The following AKR7A2 variants were observed in gnomAD, a reference collection of about 807,000 sequenced individuals.
The protein encoded by AKR7A2 is aflatoxin B1 aldehyde reductase member 2.
A neutral mutation model predicts 37.3 loss-of-function variants in AKR7A2; 29 were observed. The ratio of observed to expected loss-of-function variants is 0.78; its 90% CI spans 0.58 to 1.06. AKR7A2 has a LOEUF of 1.06. Among genes scored for constraint, AKR7A2 ranks in the 50% least tolerant of loss-of-function variants. AKR7A2 has a pLI of 0.00. For synonymous variants in AKR7A2, 228 were observed against 217.8 expected, an observed-to-expected ratio of 1.05 and a Z score of -0.41; for missense variants, 529 against 497.9, an observed-to-expected ratio of 1.06 and a Z score of -0.59.
chr1:19,306,840 A>G (rs1240099079), intron 5 of AKR7A2, among the ~76,000 whole-genome samples, 162 bp downstream of exon 5: 1 of 152,138 alleles, frequency 6.6e-6, no homozygotes, highest in African/African-American at 2.4e-5. Flanking sequence ...AGGTCTCAAG[A>G]CAACAAGAAA....
chr1:19,310,084 AAAAAC>A (rs925640320), intron 1 of AKR7A2, among the ~76,000 whole-genome samples: 3 of 149,994 alleles, frequency 2.0e-5, no homozygotes, highest in African/African-American at 7.5e-5. Flanking sequence ...TCAAAAAACA[AAAAAC>A]AAAACAAAAA....
In AKR7A2 at chr1:19,304,544, A is replaced by G. The variant is rs117701059; in HGVS notation, c.919-158T>C. 1.4e-4 allele frequency among the ~76,000 whole-genome samples: 22 copies of G among 151,912 alleles called. No individual in the cohort carries two copies. The East Asian group carries it at 3.3e-3, about 23-fold the overall frequency. ...TAAGGTGCCTTGGATAGCTGTACCC[A>G]CGTGACTTGAAACCCGCATCCTTTC... On this transcript the variant is annotated intron_variant, in intron 6 of 6. Coordinates refer to ENST00000235835, the MANE Select transcript of AKR7A2 (RefSeq NM_003689.4).
chr1:19,306,880 C>G (rs1558138442), intron 5 of AKR7A2, 122 bp downstream of exon 5: 1 of 865,182 alleles, frequency 1.2e-6, no homozygotes, highest in Non-Finnish European at 1.9e-6. Flanking sequence ...ATTCCTGAAG[C>G]AATGCAGGGG....
At chr1:19,305,321 T>G (rs1264603389) in intron 6 of AKR7A2, 1 of 154,212 alleles carries the variant, frequency 6.5e-6, no homozygotes, top group African/African-American at 2.4e-5. Context: ...ATAAGTTTGT[T>G]GCTGTTATTT....
chr1:19,305,239 A>C (rs1216995098), intron 6 of AKR7A2: 2 of 153,522 alleles, frequency 1.3e-5, no homozygotes, highest in African/African-American at 4.8e-5. Context: ...TATGTAAAAC[A>C]CAGCTCCCAC....
At position 19,311,852 on chromosome 1, in the gene AKR7A2, G is replaced by A. The variant is rs375705807; in HGVS notation, c.273C>T (p.Leu91=). The A allele has an allele frequency of 3.1e-6, 5 of 1,610,404 alleles. No individual in the cohort carries two copies. The highest frequency in any genetic ancestry group is 1.3e-5 in the African/African-American group (1 of 74,826). ...QSETILGGLG[L]GLGGGDCRVK... ...CTCTGCAGTCGCCACCGCCCAGCCC[G>A]AGCCCCAGGCCGCCCAGGATGGTCT... Residue 91 remains leucine, a synonymous_variant, in exon 1 of 7, where the codon CTC becomes CTT. Coordinates refer to ENST00000235835, the MANE Select transcript of AKR7A2 (RefSeq NM_003689.4).
chr1:19,308,488 C>T lies in AKR7A2; in HGVS notation c.453G>A (p.Glu151=). The T allele has an allele frequency of 6.2e-7, 1 of 1,614,172 alleles. No homozygotes were observed. Among genetic ancestry groups the T allele is most frequent in the East Asian group, 2.2e-5 (1 of 44,876 alleles). ...GCAGCCGCTGGCAGGCATGCAGCGT[C>T]TCTTCCACCGGGGTGCCGTGGTCAG... ...HAPDHGTPVE[E]TLHACQRLHQ... The change falls in exon 2 of 7, where the codon GAG becomes GAA. Residue 151 remains glutamate, a synonymous_variant. Transcript: ENST00000235835.
intron 1 of AKR7A2, among the ~76,000 whole-genome samples, chr1:19,309,344 T>C (rs1409211792): frequency 1.3e-5 from 2 of 152,216 alleles, no homozygotes; most frequent in Non-Finnish European, 2.9e-5. Flanking sequence ...TGTTCACACT[T>C]GGCTGCAGTA....
Position 19,306,047 on chromosome 1 carries a change from G to A in AKR7A2, c.889C>T (p.Arg297Trp), listed in dbSNP as rs371998843. 2.3e-5 allele frequency: 37 copies of A among 1,614,122 alleles called. No individual in the cohort carries two copies. Among genetic ancestry groups the A allele is most frequent in the East Asian group, 4.5e-5 (2 of 44,888 alleles). ...AGCTGTGAGTGGTGGTACATCCACC[G>A]GAGGGCAGCCGAGGTCACACTGGGG... Reference protein sequence around the residue: ...SAPSVTSAALRWMYHHSQLQG... With the variant: ...SAPSVTSAALWWMYHHSQLQG... Residue 297 changes from arginine (R) to tryptophan (W), a missense_variant, in exon 6 of 7, where the codon CGG becomes TGG. By Grantham distance (101) the Arg-to-Trp change is moderately radical (BLOSUM62 -3). Transcript: ENST00000235835.
Position 19,311,933 on chromosome 1 carries a change from C to A in AKR7A2, c.192G>T (p.Leu64=). 1.9e-6 allele frequency: 3 copies of A among 1,605,720 alleles called. No homozygotes were observed. The highest frequency in any genetic ancestry group is 2.5e-6 in the Non-Finnish European group (3 of 1,177,182). Residue 64 remains leucine (L), a synonymous_variant, in exon 1 of 7, where the codon CTG becomes CTT. Coordinates refer to ENST00000235835, the MANE Select transcript of AKR7A2 (RefSeq NM_003689.4). ...TGTCCAGTTCGGTGTGGCCGCGCTCCAGAAAGGCGCGCACGGCCGCGGCGC... is the reference window on the plus strand; with the variant it reads ...TGTCCAGTTCGGTGTGGCCGCGCTCAAGAAAGGCGCGCACGGCCGCGGCGC... The part of the protein sequence containing the change: ...PASAAAVRAF[L]ERGHTELDTA...
rs751228167 is a variant in AKR7A2, at chr1:19,304,178, CAA to C, written c.*45_*46del. The stretch of plus-strand genomic sequence containing the variant: ...GCCAAGACTGGTCAGTGTGAGAGAA[CAA>C]AAGAGGTGACAGAAAAGCCTTGGGC... On this transcript the variant is annotated 3_prime_UTR_variant, in exon 7 of 7. Coordinates refer to ENST00000235835, the MANE Select transcript of AKR7A2 (RefSeq NM_003689.4). The C allele has an allele frequency of 1.2e-6, 2 of 1,614,108 alleles. No homozygotes were observed. Among genetic ancestry groups the C allele is most frequent in the Admixed American group, 3.3e-5 (2 of 60,016 alleles).
Position 19,304,517 on chromosome 1 carries a change from C to T in AKR7A2, c.919-131G>A, listed in dbSNP as rs141557844. 1,200 of 1,508,246 alleles carry T rather than the reference C, an allele frequency of 8.0e-4. 12 individuals carry two copies. In the East Asian group the frequency reaches 0.016, roughly 20 times the overall value. The allele number at this position is 1,508,246 out of a possible 1,614,324, so 93.4% of individuals were successfully genotyped here. On this transcript the variant is annotated intron_variant, in intron 6 of 6. Transcript: ENST00000235835. ...TTATATCTTGTATGTCCAGAAAGGA[C>T]TTAAGGTGCCTTGGATAGCTGTACC...
chr1:19,303,133 CA>C (rs1041769924), downstream of AKR7A2, among the ~76,000 whole-genome samples: 15 of 150,306 alleles, frequency 1.0e-4, no homozygotes, highest in African/African-American at 3.7e-4. Flanking sequence ...CTCCACTCCA[CA>C]AAAAAAATAA....
Position 19,308,470 on chromosome 1 carries a change from C to T in AKR7A2, c.471G>A (p.Gln157=). 1 of 1,613,860 alleles carries T rather than the reference C, an allele frequency of 6.2e-7. No homozygotes were observed. Among genetic ancestry groups the T allele is most frequent in the Non-Finnish European group, 8.5e-7 (1 of 1,180,018 alleles). Reference sequence around the variant, plus strand: ...GCCCCCTCACCTCCTGGTGCAGCCGCTGGCAGGCATGCAGCGTCTCTTCCA... The same window carrying T: ...GCCCCCTCACCTCCTGGTGCAGCCGTTGGCAGGCATGCAGCGTCTCTTCCA... ...TPVEETLHAC[Q]RLHQEGKFVE... The change falls in exon 2 of 7, where the codon CAG becomes CAA. Residue 157 remains glutamine (Q), a synonymous_variant. Transcript: ENST00000235835.
In AKR7A2 at chr1:19,311,982, C is replaced by T. The variant is rs1328644789; in HGVS notation, c.143G>A (p.Gly48Glu). 4 of 1,556,044 alleles carry T rather than the reference C, an allele frequency of 2.6e-6. No homozygotes were observed. Among genetic ancestry groups the T allele is most frequent in the South Asian group, 2.3e-5 (2 of 85,490 alleles). ...VASVLGTMEM[G>E]RRMDAPASAA... ...GCTGGCGGGCGCGTCCATGCGGCGC[C>T]CCATCTCCATGGTGCCCAGCACCGA... Residue 48 changes from glycine to glutamate, a missense_variant, in exon 1 of 7, where the codon GGG (glycine) becomes GAG (glutamate). By Grantham distance (98) the Gly-to-Glu change is moderately conservative. Coordinates refer to ENST00000235835, the MANE Select transcript of AKR7A2 (RefSeq NM_003689.4).
At chr1:19,307,533 T>G in intron 3 of AKR7A2, 123 bp from the exon 4 acceptor site, 1 of 1,037,354 alleles carries the variant, frequency 9.6e-7, no homozygotes, top group Non-Finnish European at 1.5e-6. Flanking sequence ...ACATCACTAC[T>G]GTTAGTAGGG....
chr1:19,311,929 G>A lies in AKR7A2; in HGVS notation c.196C>T (p.Arg66Cys). The A allele has an allele frequency of 1.2e-6, 2 of 1,607,116 alleles. No individual in the cohort carries two copies. The highest frequency in any genetic ancestry group is 1.1e-5 in the South Asian group (1 of 90,522). Residue 66 changes from arginine to cysteine, a missense_variant, in exon 1 of 7, where the codon CGC becomes TGC. Coordinates refer to ENST00000235835, the MANE Select transcript of AKR7A2 (RefSeq NM_003689.4). Reference sequence around the variant, plus strand: ...GCCGTGTCCAGTTCGGTGTGGCCGCGCTCCAGAAAGGCGCGCACGGCCGCG... The same window carrying A: ...GCCGTGTCCAGTTCGGTGTGGCCGCACTCCAGAAAGGCGCGCACGGCCGCG... ...SAAAVRAFLE[R>C]GHTELDTAFM...
chr1:19,311,641 A>T (rs975584070), intron 1 of AKR7A2, among the ~76,000 whole-genome samples, 186 bp downstream of exon 1: 1 of 151,950 alleles, frequency 6.6e-6, no homozygotes, highest in African/African-American at 2.4e-5. Flanking sequence ...GAGTGGGGGA[A>T]AGGAGTCAGG....
rs202217638 is a variant in AKR7A2 at position 19,307,106 on chromosome 1, G to T, written c.689-5C>A. 1 of 1,614,106 alleles carries T rather than the reference G, an allele frequency of 6.2e-7. No homozygotes were observed. Among genetic ancestry groups the T allele is most frequent in the African/African-American group, 1.3e-5 (1 of 74,936 alleles). On this transcript the variant is annotated splice_region_variant and splice_polypyrimidine_tract_variant and intron_variant, in intron 4 of 6. Transcript: ENST00000235835. ...ACTTGCCAGTCAGCAGGCCCCCTGCGGGAAGGCAGCAATCAGCCCCTGGCC... is the reference window on the plus strand; with the variant it reads ...ACTTGCCAGTCAGCAGGCCCCCTGCTGGAAGGCAGCAATCAGCCCCTGGCC...
Sources: allele counts gnomAD v4.1 joint callset (sites outside exome capture counted in the v4.1 genomes callset), GRCh38; gene constraint gnomAD v4.1.1; transcripts MANE v1.5; gene names NCBI Gene and HGNC (gene_info 2026-07-23, HGNC 2026-07-21).